Variants in MANBA observed in about 807,000 individuals in gnomAD.
The protein encoded by MANBA is mannosidase beta, also known as beta-mannosidase.
A neutral mutation model predicts 111.1 loss-of-function variants in MANBA; 83 were observed. That is an observed-to-expected ratio of 0.75 (90% CI 0.63 to 0.90). The LOEUF (loss-of-function observed/expected upper bound fraction) is 0.90, where lower values mean the gene tolerates loss of function less well. Ranked by LOEUF, MANBA falls within the 40% of genes least tolerant of loss-of-function variation. MANBA has a pLI of 0.00. For missense variants in MANBA, 1,036 were observed against 1,069.0 expected (o/e 0.97, Z 0.43); for synonymous variants, 370 against 378.7 (o/e 0.98, Z 0.27).
In MANBA at chr4:102,644,913, A is replaced by T. The variant is rs759471868; in HGVS notation, c.1870-5056T>A. Among the ~76,000 whole-genome samples, 43 of 152,080 alleles carry T rather than the reference A, an allele frequency of 2.8e-4. 1 individual carries two copies. Among genetic ancestry groups the T allele is most frequent in the Non-Finnish European group, 1.5e-5 (1 of 67,914 alleles). On this transcript the variant is annotated intron_variant, in intron 13 of 16. Transcript: ENST00000647097. ...TATCAATTAAAATAAAGAAATATTA[A>T]TTTTTTTAAAAAAAGAAAATCAGTT...
At chr4:102,691,301 T>C (rs186459760) in intron 5 of MANBA, among the ~76,000 whole-genome samples, 1 of 152,234 alleles carries the variant, frequency 6.6e-6, no homozygotes, top group East Asian at 1.9e-4. Context: ...ACTTTCTATG[T>C]GCCATATACT....
chr4:102,760,055 A>C (rs1272623102), intron 1 of MANBA, among the ~76,000 whole-genome samples: 1 of 151,838 alleles, frequency 6.6e-6, no homozygotes, highest in Non-Finnish European at 1.5e-5. Flanking sequence ...AACGTTCCCC[A>C]CAAGTAGTCT....
intron 4 of MANBA, among the ~76,000 whole-genome samples, chr4:102,716,138 C>G (rs1234638595): frequency 6.6e-6 from 1 of 151,460 alleles, no homozygotes; most frequent in Non-Finnish European, 1.5e-5. Flanking sequence ...GGAGAAACCC[C>G]GTCTCTACTA....
chr4:102,650,387 G>A (rs1364085844), intron 13 of MANBA, 150 bp downstream of exon 13: 2 of 786,074 alleles, frequency 2.5e-6, no homozygotes, highest in Non-Finnish European at 4.1e-6. Context: ...TGTCCTATGT[G>A]TCATCATATA....
At chr4:102,729,999 C>G (rs1722969687) in intron 1 of MANBA, 1 of 852,710 alleles carries the variant, frequency 1.2e-6, no homozygotes. Context: ...ACCCACGCTG[C>G]TGCCCTCACC....
At position 102,674,024 on chromosome 4, in the gene MANBA, G is replaced by A; in HGVS notation, c.1007C>T (p.Ser336Phe). 1.9e-6 allele frequency: 3 copies of A among 1,605,386 alleles called. No individual in the cohort carries two copies. The highest frequency in any genetic ancestry group is 2.2e-5 in the South Asian group (2 of 90,904). The change falls in exon 8 of 17, where the codon TCT (serine) becomes TTT (phenylalanine). Residue 336 changes from serine (S) to phenylalanine (F), a missense_variant. By Grantham distance (155) the Ser-to-Phe change is radical. Coordinates refer to ENST00000647097, the MANE Select transcript of MANBA (RefSeq NM_005908.4). ...TTTGAAATAGAAACTCAAACCAGGA[G>A]ACCCTTTTATAGGCTCTTCTATAAG... ...VELIEEPIKG[S>F]PGLSFYFKIN...
At position 102,639,806 on chromosome 4, in the gene MANBA, G is replaced by T; in HGVS notation, c.1921C>A (p.Arg641Ser). 1 of 1,614,028 alleles carries T rather than the reference G, an allele frequency of 6.2e-7. No homozygotes were observed. The highest frequency in any genetic ancestry group is 8.5e-7 in the Non-Finnish European group (1 of 1,179,994). ...KTETEFYRRSRSEIVDQQGHT... is the reference protein window; with the variant it reads ...KTETEFYRRSSSEIVDQQGHT... ...CCTTGCTGATCCACTATCTCGCTGC[G>T]ACTACGGCGGTAGAATTCAGTTTCT... is the stretch of plus-strand genomic sequence containing the variant. The change falls in exon 14 of 17, where the codon CGC (arginine) becomes AGC (serine). Residue 641 changes from arginine (R) to serine (S), a missense_variant. Arg to Ser is a moderately radical substitution (Grantham distance 110, BLOSUM62 -1). Coordinates refer to ENST00000647097, the MANE Select transcript of MANBA (RefSeq NM_005908.4).
At chr4:102,751,707 A>T in intron 1 of MANBA, 1 of 542,612 alleles carries the variant, frequency 1.8e-6, no homozygotes, top group East Asian at 5.3e-5. Context: ...TGATGACTGG[A>T]TCCTTTCAGT....
chr4:102,735,459 T>TG (rs1332374020), intron 1 of MANBA, among the ~76,000 whole-genome samples: 3 of 120,398 alleles, frequency 2.5e-5, no homozygotes, highest in Admixed American at 1.0e-4. Flanking sequence ...GCATGCATGC[T>TG]GAAAAAAAAA....
At chr4:102,755,419 T>G (rs111486360) in intron 1 of MANBA, among the ~76,000 whole-genome samples, 1 of 152,330 alleles carries the variant, frequency 6.6e-6, no homozygotes, top group South Asian at 2.1e-4. Context: ...GCTAGCCAAA[T>G]GTAGAAAGCT....
At chr4:102,679,551 T>A (rs939600171) in intron 7 of MANBA, 1 of 151,996 alleles carries the variant, frequency 6.6e-6, no homozygotes, top group East Asian at 1.9e-4. Flanking sequence ...ACAAAGGGAA[T>A]AACATATATA....
At chr4:102,717,870 G>A (rs757088381) in intron 4 of MANBA, among the ~76,000 whole-genome samples, 2 of 152,214 alleles carry the variant, frequency 1.3e-5, no homozygotes, top group African/African-American at 4.8e-5. Context: ...GCAATGAGAA[G>A]CTGTTGAAGA....
intron 5 of MANBA, among the ~76,000 whole-genome samples, chr4:102,697,474 A>G (rs1301260017): frequency 1.3e-5 from 2 of 151,236 alleles, no homozygotes; most frequent in Admixed American, 6.6e-5. Context: ...GTCATCTATC[A>G]TTAGGTATAT....
chr4:102,672,023 G>A, intron 8 of MANBA: 1 of 398,940 alleles, frequency 2.5e-6, no homozygotes, highest in East Asian at 3.6e-5. Flanking sequence ...TGGCCCAGTT[G>A]GGCTGAAGGA....
chr4:102,737,568 C>T (rs1239147849), intron 1 of MANBA, among the ~76,000 whole-genome samples: 7 of 152,042 alleles, frequency 4.6e-5, no homozygotes, highest in Admixed American at 1.3e-4. Flanking sequence ...CTGCAAGCTC[C>T]GCCTCCCGGG....
At chr4:102,698,985 A>G (rs1273807457) in intron 5 of MANBA, among the ~76,000 whole-genome samples, 5 of 152,200 alleles carry the variant, frequency 3.3e-5, no homozygotes, top group South Asian at 2.1e-4. Context: ...CTTCCTACCC[A>G]TGAGTATGGA....
At chr4:102,632,706 C>T (rs1729446335) in intron 16 of MANBA, among the ~76,000 whole-genome samples, 1 of 152,228 alleles carries the variant, frequency 6.6e-6, no homozygotes, top group Non-Finnish European at 1.5e-5. Context: ...AAAGATCCAG[C>T]AATCTAGAAA....
rs532079120 is a variant in MANBA, at chr4:102,657,640, G to GT, written c.1704+41dup. The GT allele has an allele frequency of 5.6e-3, 8,115 of 1,453,742 alleles. 26 individuals are homozygous for GT. The highest frequency in any genetic ancestry group is 6.8e-3 in the Non-Finnish European group (7,019 of 1,036,064). The allele number at this position is 1,453,742 out of a possible 1,614,324, so 90.1% of individuals were successfully genotyped here. On this transcript the variant is annotated intron_variant, in intron 12 of 16. Coordinates refer to ENST00000647097, the MANE Select transcript of MANBA (RefSeq NM_005908.4). ...TGATCAGAATAAACACATGCCCACA[G>GT]TCTATCATTCTGAAACATTAGAAAA...
At chr4:102,655,883 A>T (rs2110208034) in intron 12 of MANBA, among the ~76,000 whole-genome samples, 1 of 152,366 alleles carries the variant, frequency 6.6e-6, no homozygotes, top group South Asian at 2.1e-4. Flanking sequence ...TTTGCAAATC[A>T]TATACCTGAT....
Sources: allele counts gnomAD v4.1 joint callset (sites outside exome capture counted in the v4.1 genomes callset), GRCh38; gene constraint gnomAD v4.1.1; transcripts MANE v1.5; gene names NCBI Gene and HGNC (gene_info 2026-07-23, HGNC 2026-07-21).